Variants in BMERB1 observed in about 807,000 individuals in gnomAD.
BMERB1 encodes bMERB domain containing 1.
Under a neutral mutation model 23.6 loss-of-function variants are expected in BMERB1, and 12 were observed. That is an observed-to-expected ratio of 0.51 (90% confidence interval 0.33 to 0.82). BMERB1 has a LOEUF of 0.82. Ranked by LOEUF, BMERB1 falls within the 40% of genes least tolerant of loss-of-function variation. BMERB1 has a pLI of 0.03. For missense variants in BMERB1, 247 were observed against 255.4 expected, an observed-to-expected ratio of 0.97 and a Z score of 0.22; for synonymous variants, 122 against 96.6, an observed-to-expected ratio of 1.26 and a Z score of -1.54.
intron 1 of BMERB1, among the ~76,000 whole-genome samples, chr16:15,502,882 C>G (rs944565977): frequency 8.5e-5 from 13 of 152,096 alleles, no homozygotes; most frequent in African/African-American, 3.1e-4. Flanking sequence ...AGTCTGTGTT[C>G]TTCAAATTTG....
chr16:15,567,211 T>G (rs1302806318), intron 2 of BMERB1, among the ~76,000 whole-genome samples: 1 of 125,050 alleles, frequency 8.0e-6, no homozygotes, highest in Non-Finnish European at 1.6e-5. Flanking sequence ...AAATAAAAAA[T>G]TAAACATTTT....
At chr16:15,510,602 C>A (rs1451972108) in intron 1 of BMERB1, among the ~76,000 whole-genome samples, 1 of 152,052 alleles carries the variant, frequency 6.6e-6, no homozygotes, top group African/African-American at 2.4e-5. Flanking sequence ...GGCCACACAG[C>A]CAGGGAGGGG....
chr16:15,554,775 T>G (rs961584185), intron 2 of BMERB1, among the ~76,000 whole-genome samples: 5 of 151,266 alleles, frequency 3.3e-5, no homozygotes, highest in African/African-American at 1.2e-4. Context: ...CACGCCATTC[T>G]CCTGCCTCAG....
intron 2 of BMERB1, among the ~76,000 whole-genome samples, chr16:15,537,906 G>T (rs551759692): frequency 5.3e-5 from 8 of 151,888 alleles, no homozygotes; most frequent in Non-Finnish European, 1.2e-4. Flanking sequence ...TGATTCTCCT[G>T]CCTCAGTCTC....
At chr16:15,497,586 T>C (rs1415703420) in intron 1 of BMERB1, among the ~76,000 whole-genome samples, 1 of 152,236 alleles carries the variant, frequency 6.6e-6, no homozygotes, top group East Asian at 1.9e-4. Flanking sequence ...CCTCCAGAAC[T>C]ATAATAAATG....
chr16:15,486,537 A>G (rs11645702), intron 1 of BMERB1, among the ~76,000 whole-genome samples: 2,896 of 152,292 alleles, frequency 0.019, 54 homozygotes, highest in Middle Eastern at 0.058. Context: ...GAAGGAGCCT[A>G]TTGGTCCAGC....
At chr16:15,533,087 G>A (rs888875822) in intron 2 of BMERB1, 1 of 448,582 alleles carries the variant, frequency 2.2e-6, no homozygotes, top group Non-Finnish European at 4.5e-6. Context: ...GTCATGAGGA[G>A]TAAAAGAGAT....
At chr16:15,500,343 C>T (rs1474930012) in intron 1 of BMERB1, among the ~76,000 whole-genome samples, 2 of 152,156 alleles carry the variant, frequency 1.3e-5, no homozygotes, top group Admixed American at 6.5e-5. Context: ...GGGAGGGTCT[C>T]GTGTGACCTG....
chr16:15,536,298 C>A (rs2052024010), intron 2 of BMERB1, among the ~76,000 whole-genome samples: 1 of 152,110 alleles, frequency 6.6e-6, no homozygotes, highest in African/African-American at 2.4e-5. Context: ...TGCTGACCAA[C>A]AGCAGCCCCC....
At chr16:15,501,664 G>C (rs921900017) in intron 1 of BMERB1, among the ~76,000 whole-genome samples, 2 of 152,188 alleles carry the variant, frequency 1.3e-5, no homozygotes, top group African/African-American at 4.8e-5. Context: ...TAGGAAGACG[G>C]GCTTTCGCCA....
rs371945793 is a variant in BMERB1, at chr16:15,487,655, T to C, written c.107-27650T>C. Reference sequence around the variant, plus strand: ...GCTACTCCACAGCCAGAACAGCAGCTTGGACTGCTCAACTCATAATGCTTA... The same window carrying C: ...GCTACTCCACAGCCAGAACAGCAGCCTGGACTGCTCAACTCATAATGCTTA... On this transcript the variant is annotated intron_variant, in intron 1 of 5. Transcript: ENST00000300006. Among the ~76,000 whole-genome samples, 5 of 152,310 alleles carry C rather than the reference T, an allele frequency of 3.3e-5. No homozygotes were observed. In the East Asian group the frequency reaches 9.6e-4, roughly 29 times the overall value.
intron 2 of BMERB1, among the ~76,000 whole-genome samples, chr16:15,550,313 T>G (rs964683460): frequency 3.3e-5 from 5 of 151,602 alleles, no homozygotes; most frequent in African/African-American, 9.7e-5. Flanking sequence ...AACCATTCCC[T>G]GCCATCCCTA....
chr16:15,569,017 A>C (rs1002374463), intron 3 of BMERB1, among the ~76,000 whole-genome samples: 14 of 152,182 alleles, frequency 9.2e-5, no homozygotes, highest in African/African-American at 3.1e-4. Flanking sequence ...GGAGTTTGAG[A>C]ACAGCCTGGC....
At chr16:15,473,140 G>A (rs1446156736) in intron 1 of BMERB1, among the ~76,000 whole-genome samples, 4 of 151,966 alleles carry the variant, frequency 2.6e-5, no homozygotes, top group Non-Finnish European at 5.9e-5. Flanking sequence ...GATTACAGGC[G>A]TGAGCCACTG....
intron 2 of BMERB1, among the ~76,000 whole-genome samples, chr16:15,553,950 T>C (rs768415076): frequency 6.6e-6 from 1 of 152,162 alleles, no homozygotes; most frequent in Non-Finnish European, 1.5e-5. Context: ...CTAAGATGGC[T>C]CCCATGTTAA....
chr16:15,463,124 G>A (rs1009260308), intron 1 of BMERB1, among the ~76,000 whole-genome samples: 2 of 151,724 alleles, frequency 1.3e-5, no homozygotes, highest in Non-Finnish European at 1.5e-5. Context: ...TGTTGCCCAG[G>A]CAGGAGTGCA....
chr16:15,444,843 A>C (rs865816057), intron 1 of BMERB1, among the ~76,000 whole-genome samples: 1 of 152,010 alleles, frequency 6.6e-6, no homozygotes, highest in African/African-American at 2.4e-5. Flanking sequence ...ATCTTTTGCT[A>C]TCTGTATCTG....
At position 15,587,315 on chromosome 16, in the gene BMERB1, A is replaced by T. The variant is rs990937082; in HGVS notation, c.*486A>T. On this transcript the variant is annotated 3_prime_UTR_variant, in exon 6 of 6. Coordinates refer to ENST00000300006, the MANE Select transcript of BMERB1 (RefSeq NM_033201.3). ...CCCTCCCGTCTGTCCTCTCCCAGCA[A>T]CTGTGCCCTGGAGGGCTCCACATGG... The T allele has an allele frequency of 5.5e-5, 13 of 237,670 alleles. No homozygotes were observed. Among genetic ancestry groups the T allele is most frequent in the African/African-American group, 3.0e-4 (13 of 43,524 alleles). The allele number at this position is 237,670 out of a possible 1,614,324, so 14.7% of individuals were successfully genotyped here. A position where few individuals can be genotyped will look rare whatever the true frequency, so the allele number is the denominator to read the frequency against.
intron 2 of BMERB1, among the ~76,000 whole-genome samples, chr16:15,552,078 G>A (rs996433106): frequency 2.0e-5 from 3 of 152,072 alleles, no homozygotes; most frequent in African/African-American, 7.2e-5. Context: ...TTCACAGCTC[G>A]CTGGGCCCTC....
Sources: allele counts gnomAD v4.1 joint callset (sites outside exome capture counted in the v4.1 genomes callset), GRCh38; gene constraint gnomAD v4.1.1; transcripts MANE v1.5; gene names NCBI Gene and HGNC (gene_info 2026-07-23, HGNC 2026-07-21).